Variants in BCAR3 observed in about 807,000 individuals in gnomAD.
The protein encoded by BCAR3 is breast cancer anti-estrogen resistance protein 3.
A neutral mutation model predicts 80.1 loss-of-function variants in BCAR3; 37 were observed. The ratio of observed to expected loss-of-function variants is 0.46; its 90% CI spans 0.36 to 0.61. The LOEUF (loss-of-function observed/expected upper bound fraction) is 0.61, where lower values mean the gene tolerates loss of function less well. BCAR3 is among the 20% of genes least tolerant of loss of function. The pLI, the probability that BCAR3 is intolerant of heterozygous loss-of-function variation, is 0.00. For synonymous variants in BCAR3, 389 were observed against 418.9 expected (o/e 0.93, Z 0.87); for missense variants, 978 against 1,068.2 (o/e 0.92, Z 1.18).
At chr1:93,609,523 G>C (rs567883972) in intron 3 of BCAR3, among the ~76,000 whole-genome samples, 4 of 152,294 alleles carry the variant, frequency 2.6e-5, no homozygotes, top group African/African-American at 9.6e-5. Context: ...CATTGACAAA[G>C]TGACAAGTTT....
At chr1:93,692,053 A>C (rs773190049) in intron 3 of BCAR3, among the ~76,000 whole-genome samples, 4 of 152,218 alleles carry the variant, frequency 2.6e-5, no homozygotes, top group Non-Finnish European at 5.9e-5. Context: ...AGTGAGTGAA[A>C]GTGGTGCTAT....
chr1:93,736,334 C>T (rs1178975436), intron 2 of BCAR3, among the ~76,000 whole-genome samples: 3 of 152,138 alleles, frequency 2.0e-5, no homozygotes, highest in African/African-American at 4.8e-5. Context: ...ATTACAAGCG[C>T]GTGCCACTGC....
At chr1:93,735,750 A>T (rs533345733) in intron 2 of BCAR3, among the ~76,000 whole-genome samples, 2 of 152,386 alleles carry the variant, frequency 1.3e-5, no homozygotes, top group Admixed American at 6.5e-5. Context: ...GAGAGAAAAG[A>T]TGATATTTTG....
intron 3 of BCAR3, among the ~76,000 whole-genome samples, chr1:93,637,381 C>G (rs1366363319): frequency 6.6e-6 from 1 of 152,084 alleles, no homozygotes; most frequent in East Asian, 1.9e-4. Context: ...TCTCGAACTC[C>G]TGACCTCAGG....
chr1:93,767,827 T>G (rs1395913252), intron 2 of BCAR3, among the ~76,000 whole-genome samples: 1 of 147,548 alleles, frequency 6.8e-6, no homozygotes, highest in African/African-American at 2.4e-5. Context: ...AGAAAATGGG[T>G]TAAGTGAAAA....
At chr1:93,590,365 C>A (rs947679487) in intron 4 of BCAR3, 8 of 152,182 alleles carry the variant, frequency 5.3e-5, no homozygotes, top group Non-Finnish European at 7.3e-5. Flanking sequence ...CTCCTTGTGG[C>A]TCACTTATAT....
In BCAR3 at chr1:93,621,911, G is replaced by A. The variant is rs533531846; in HGVS notation, c.357+20393C>T. On this transcript the variant is annotated intron_variant, in intron 3 of 11. Coordinates refer to ENST00000260502, the MANE Select transcript of BCAR3 (RefSeq NM_003567.4). ...TTTTGAGATGGAGTCTCACTCTGTC[G>A]CCCAGGCTGGAGGGCAGTGGCGCAA... 5.3e-5 allele frequency among the ~76,000 whole-genome samples: 8 copies of A among 152,158 alleles called. 1 individual carries two copies. Among genetic ancestry groups the A allele is most frequent in the East Asian group, 1.9e-4 (1 of 5,162 alleles).
At chr1:93,581,934 G>A (rs1673724148) in intron 7 of BCAR3, among the ~76,000 whole-genome samples, 1 of 152,202 alleles carries the variant, frequency 6.6e-6, no homozygotes, top group South Asian at 2.1e-4. Flanking sequence ...CAAGGGGGTA[G>A]TTTATAAATA....
At chr1:93,593,487 G>A (rs1183956296) in intron 3 of BCAR3, among the ~76,000 whole-genome samples, 2 of 151,912 alleles carry the variant, frequency 1.3e-5, no homozygotes, top group African/African-American at 2.4e-5. Flanking sequence ...TCCCATCTCA[G>A]CCTCCCTGGT....
intron 2 of BCAR3, among the ~76,000 whole-genome samples, chr1:93,768,525 G>A (rs911663535): frequency 1.3e-5 from 2 of 152,164 alleles, no homozygotes; most frequent in Non-Finnish European, 1.5e-5. Flanking sequence ...CCCACCCTTT[G>A]AAGGAGGGGG....
intron 2 of BCAR3, among the ~76,000 whole-genome samples, chr1:93,808,034 T>C (rs1289354788): frequency 6.8e-6 from 1 of 147,230 alleles, no homozygotes; most frequent in African/African-American, 2.6e-5. Flanking sequence ...CAAAACTCTT[T>C]TTTTTTTTAA....
chr1:93,582,286 A>G lies in BCAR3; in HGVS notation c.1686+15T>C, dbSNP rs761300454. 6 of 1,603,312 alleles carry G rather than the reference A, an allele frequency of 3.7e-6. No homozygotes were observed. In the African/African-American group the frequency reaches 8.1e-5, roughly 22 times the overall value. On this transcript the variant is annotated intron_variant, in intron 7 of 11. Transcript: ENST00000260502. ...CTTGAAAAGCCAGAGGAGCACCAGG[A>G]CCCCCAGCGCTTACCCTGCAGTCCA...
At chr1:93,603,084 T>C (rs1411414509) in intron 3 of BCAR3, among the ~76,000 whole-genome samples, 1 of 152,372 alleles carries the variant, frequency 6.6e-6, no homozygotes, top group Non-Finnish European at 1.5e-5. Context: ...GCTAGAAAAA[T>C]AGTTTCTTAT....
chr1:93,629,917 T>C (rs942643858), intron 3 of BCAR3, among the ~76,000 whole-genome samples: 4 of 152,214 alleles, frequency 2.6e-5, no homozygotes, highest in Non-Finnish European at 5.9e-5. Context: ...TGAGGTTAGG[T>C]GCGGGAACCT....
chr1:93,563,688 T>C (rs1244112762), intron 11 of BCAR3, among the ~76,000 whole-genome samples: 2 of 152,164 alleles, frequency 1.3e-5, no homozygotes, highest in African/African-American at 4.8e-5. Context: ...CTTAGTTTTA[T>C]CATTTTTTAT....
chr1:93,634,951 A>G (rs562315134), intron 3 of BCAR3, among the ~76,000 whole-genome samples: 11 of 152,182 alleles, frequency 7.2e-5, no homozygotes, highest in African/African-American at 2.6e-4. Flanking sequence ...GTCCACTCCT[A>G]GGCTGGAAGC....
chr1:93,649,894 G>A (rs1417183925), intron 2 of BCAR3, among the ~76,000 whole-genome samples: 1 of 150,508 alleles, frequency 6.6e-6, no homozygotes, highest in Non-Finnish European at 1.5e-5. Context: ...CACTCTACCC[G>A]CAACCAAAAA....
chr1:93,562,280 A>G lies in BCAR3; in HGVS notation c.2439T>C (p.Arg813=). The G allele has an allele frequency of 6.2e-7, 1 of 1,614,034 alleles. No homozygotes were observed. Among genetic ancestry groups the G allele is most frequent in the South Asian group, 1.1e-5 (1 of 91,050 alleles). Reference sequence around the variant, plus strand: ...GCTTTACAGGAGGAGGTTCCAATTTACGCGAGAGGGCAGTTAAAATCTGGT... The same window carrying G: ...GCTTTACAGGAGGAGGTTCCAATTTGCGCGAGAGGGCAGTTAAAATCTGGT... ...KFNQILTALS[R]KLEPPPVKQA... is the part of the protein sequence containing the mutation. The change falls in exon 12 of 12, where the codon CGT becomes CGC. Residue 813 remains arginine, a synonymous_variant. Transcript: ENST00000260502.
chr1:93,583,191 C>G (rs1284818315), intron 6 of BCAR3, among the ~76,000 whole-genome samples: 1 of 152,168 alleles, frequency 6.6e-6, no homozygotes, highest in Non-Finnish European at 1.5e-5. Flanking sequence ...AATAGAAATC[C>G]CGGGGACTGC....
Sources: gnomAD v4.1 joint callset for allele counts (sites outside exome capture counted in the v4.1 genomes callset) on GRCh38, gnomAD v4.1.1 for gene constraint, MANE v1.5 for transcripts, NCBI Gene and HGNC (gene_info 2026-07-23, HGNC 2026-07-21) for gene names.